Variants in XKR9 observed in about 807,000 individuals in gnomAD.
XKR9 encodes the protein XK related 9.
In XKR9, 32 loss-of-function variants were observed where a neutral mutation model predicts 32.0. That is an observed-to-expected ratio of 1.00 (90% CI 0.76 to 1.34). XKR9 has a LOEUF of 1.34. XKR9 is among the 40% of genes most tolerant of loss of function. The probability of loss-of-function intolerance (pLI) is 0.00; values close to 1 mark genes in which losing one functional copy is unlikely to be tolerated. For missense variants in XKR9, 546 were observed against 429.7 expected, an observed-to-expected ratio of 1.27 and a Z score of -2.39; for synonymous variants, 168 against 143.4, an observed-to-expected ratio of 1.17 and a Z score of -1.22.
chr8:70,887,654 G>A, the XKR9 span, among the ~76,000 whole-genome samples: 1 of 151,976 alleles, frequency 6.6e-6, no homozygotes, highest in Non-Finnish European at 1.5e-5. Context: ...CCTTTAAGTT[G>A]TATTCCTAGG....
At chr8:70,714,628 G>C (rs1187583188) in intron 4 of XKR9, among the ~76,000 whole-genome samples, 1 of 151,910 alleles carries the variant, frequency 6.6e-6, no homozygotes, top group Admixed American at 6.6e-5. Context: ...TCAAATTTTG[G>C]AAAACCTCTA....
the XKR9 span, among the ~76,000 whole-genome samples, chr8:70,877,300 G>T: frequency 6.6e-6 from 1 of 152,100 alleles, no homozygotes; most frequent in South Asian, 2.1e-4. Flanking sequence ...GTTAGATTTG[G>T]GTGGGGACAC....
At chr8:70,869,530 T>C in the XKR9 span, among the ~76,000 whole-genome samples, 1 of 152,080 alleles carries the variant, frequency 6.6e-6, no homozygotes, top group African/African-American at 2.4e-5. Context: ...TTAAATTACC[T>C]CCCACTGGGT....
At chr8:70,784,402 G>T (rs1252494626) in intron 2 of XKR9, among the ~76,000 whole-genome samples, 1 of 115,740 alleles carries the variant, frequency 8.6e-6, no homozygotes, top group African/African-American at 3.1e-5. Context: ...ATAGTTTTTA[G>T]TGTACAGATT....
chr8:71,028,268 G>A, the XKR9 span, among the ~76,000 whole-genome samples: 5 of 152,004 alleles, frequency 3.3e-5, no homozygotes, highest in Admixed American at 3.3e-4. Flanking sequence ...TTAGTATACA[G>A]GTCTTTCACC....
the XKR9 span, among the ~76,000 whole-genome samples, chr8:70,998,383 C>T: frequency 1.8e-4 from 27 of 152,182 alleles, no homozygotes; most frequent in Non-Finnish European, 1.0e-4. Context: ...GAGTTCAACT[C>T]TCTCAAGAGC....
the XKR9 span, among the ~76,000 whole-genome samples, chr8:71,029,738 A>T: frequency 8.5e-5 from 13 of 152,178 alleles, no homozygotes. Flanking sequence ...CTCTTTGAAC[A>T]TCTAAAAGTC....
the XKR9 span, among the ~76,000 whole-genome samples, chr8:70,862,868 G>C: frequency 6.6e-6 from 1 of 152,128 alleles, no homozygotes; most frequent in East Asian, 1.9e-4. Flanking sequence ...AGAGAATTCT[G>C]TGTACTCAGG....
the XKR9 span, among the ~76,000 whole-genome samples, chr8:70,810,742 A>G: frequency 1.3e-5 from 2 of 152,260 alleles, no homozygotes; most frequent in Admixed American, 6.5e-5. Flanking sequence ...AGAGCTCACT[A>G]TCCTAAATAT....
chr8:70,828,467 G>T, the XKR9 span, among the ~76,000 whole-genome samples: 16 of 151,768 alleles, frequency 1.1e-4, no homozygotes, highest in Admixed American at 1.1e-3. Context: ...GGGCGCAGTG[G>T]CTCACGCCAG....
At chr8:70,955,884 T>G in the XKR9 span, among the ~76,000 whole-genome samples, 1 of 152,182 alleles carries the variant, frequency 6.6e-6, no homozygotes, top group Non-Finnish European at 1.5e-5. Flanking sequence ...CATGCAAAGT[T>G]GTGGCTGGAT....
downstream of XKR9, among the ~76,000 whole-genome samples, chr8:70,736,960 T>G (rs528589013): frequency 6.1e-3 from 924 of 152,248 alleles, 10 homozygotes; most frequent in African/African-American, 0.021. Flanking sequence ...GGCTCTTTTT[T>G]GGTTCCATAT....
At chr8:70,827,784 A>G in the XKR9 span, among the ~76,000 whole-genome samples, 2 of 152,218 alleles carry the variant, frequency 1.3e-5, no homozygotes, top group African/African-American at 4.8e-5. Flanking sequence ...GTCATTTTCA[A>G]ATTGTTAATA....
the XKR9 span, among the ~76,000 whole-genome samples, chr8:70,866,293 G>A: frequency 6.6e-6 from 1 of 152,202 alleles, no homozygotes; most frequent in Non-Finnish European, 1.5e-5. Context: ...TCTGAAGTTT[G>A]TGCTCTCTTC....
the XKR9 span, among the ~76,000 whole-genome samples, chr8:70,985,755 G>A: frequency 6.6e-6 from 1 of 151,668 alleles, no homozygotes; most frequent in Non-Finnish European, 1.5e-5. Context: ...AACAAATATG[G>A]TAAATTTTTT....
At chr8:70,929,735 C>A in the XKR9 span, among the ~76,000 whole-genome samples, 2 of 152,256 alleles carry the variant, frequency 1.3e-5, no homozygotes, top group East Asian at 3.9e-4. Context: ...TCATCGAGTC[C>A]CTCTGATACT....
At chr8:70,851,109 A>G in the XKR9 span, among the ~76,000 whole-genome samples, 1 of 152,256 alleles carries the variant, frequency 6.6e-6, no homozygotes, top group Non-Finnish European at 1.5e-5. Flanking sequence ...TCAATGTGCA[A>G]AAATCACAAG....
At chr8:71,010,902 C>T in the XKR9 span, among the ~76,000 whole-genome samples, 1 of 152,258 alleles carries the variant, frequency 6.6e-6, no homozygotes, top group Middle Eastern at 3.4e-3. Flanking sequence ...AAATTGTCAT[C>T]CTAGGGCGAT....
At chr8:71,000,860 C>T in the XKR9 span, among the ~76,000 whole-genome samples, 1 of 152,194 alleles carries the variant, frequency 6.6e-6, no homozygotes, top group African/African-American at 2.4e-5. Flanking sequence ...TTCCAAAGAG[C>T]TTGGCACACT....
Sources: allele counts gnomAD v4.1 joint callset (sites outside exome capture counted in the v4.1 genomes callset), GRCh38; gene constraint gnomAD v4.1.1; transcripts MANE v1.5; gene names NCBI Gene and HGNC (gene_info 2026-07-23, HGNC 2026-07-21).